The following GRM8 variants were observed in gnomAD, a reference collection of about 807,000 sequenced individuals.
GRM8 encodes the protein metabotropic glutamate receptor 8.
In GRM8, 47 loss-of-function variants were observed where a neutral mutation model predicts 87.2. The observed-to-expected ratio is 0.54, with a 90% confidence interval of 0.43 to 0.69. The LOEUF (loss-of-function observed/expected upper bound fraction) is 0.69, where lower values mean the gene tolerates loss of function less well. Ranked by LOEUF, GRM8 falls within the 30% of genes least tolerant of loss-of-function variation. GRM8 has a pLI of 0.00. For missense variants in GRM8, 1,019 were observed against 1,139.2 expected, an observed-to-expected ratio of 0.89 and a Z score of 1.52; for synonymous variants, 396 against 404.5, an observed-to-expected ratio of 0.98 and a Z score of 0.25.
intron 7 of GRM8, among the ~76,000 whole-genome samples, chr7:126,726,178 C>A (rs1812946785): frequency 6.6e-6 from 1 of 151,876 alleles, no homozygotes; most frequent in African/African-American, 2.4e-5. Context: ...ATAGTAAACT[C>A]CATGCCATCC....
intron 8 of GRM8, among the ~76,000 whole-genome samples, chr7:126,581,816 T>A (rs939687382): frequency 5.9e-5 from 9 of 152,128 alleles, no homozygotes; most frequent in African/African-American, 2.2e-4. Context: ...CGTGATCTGT[T>A]TTGTTACTAT....
intron 7 of GRM8, among the ~76,000 whole-genome samples, chr7:126,646,379 CT>C (rs1274186030): frequency 6.6e-6 from 1 of 152,178 alleles, no homozygotes; most frequent in Non-Finnish European, 1.5e-5. Flanking sequence ...ACCACCGTAT[CT>C]TTCTACTTTT....
At chr7:126,873,953 G>A (rs1799319199) in intron 6 of GRM8, among the ~76,000 whole-genome samples, 1 of 152,068 alleles carries the variant, frequency 6.6e-6, no homozygotes, top group South Asian at 2.1e-4. Flanking sequence ...AGTAAGTAGT[G>A]TTATTCTTAA....
intron 7 of GRM8, among the ~76,000 whole-genome samples, chr7:126,720,317 A>AT (rs565424874): frequency 2.8e-4 from 42 of 150,968 alleles, no homozygotes; most frequent in Non-Finnish European, 5.2e-4. Context: ...AATTTTTTAA[A>AT]TTTTTTTTTG....
At position 126,871,400 on chromosome 7, in the gene GRM8, T is replaced by C. The variant is rs184680731; in HGVS notation, c.1156+31142A>G. Among the ~76,000 whole-genome samples the C allele has an allele frequency of 8.5e-5, 13 of 152,352 alleles. No homozygotes were observed. In the East Asian group the frequency reaches 2.3e-3, roughly 27 times the overall value. On this transcript the variant is annotated intron_variant, in intron 6 of 10. Coordinates refer to ENST00000339582, the MANE Select transcript of GRM8 (RefSeq NM_000845.3). ...ACGTTCCGGAGTGCCTTATACATGTTTAAGGTAGTAATAAAAGAGCACATT... is the reference window on the plus strand; with the variant it reads ...ACGTTCCGGAGTGCCTTATACATGTCTAAGGTAGTAATAAAAGAGCACATT...
At chr7:126,602,970 G>C (rs1157755146) in intron 8 of GRM8, among the ~76,000 whole-genome samples, 1 of 141,666 alleles carries the variant, frequency 7.1e-6, no homozygotes, top group Non-Finnish European at 1.6e-5. Flanking sequence ...GATGAACATT[G>C]ATGCAAAAAT....
Position 127,242,760 on chromosome 7 carries a change from C to G in GRM8, c.445G>C (p.Gly149Arg). 1.2e-6 allele frequency: 2 copies of G among 1,614,172 alleles called. No homozygotes were observed. Among genetic ancestry groups the G allele is most frequent in the Non-Finnish European group, 8.5e-7 (1 of 1,180,016 alleles). ...PIFTKPDKIS[G>R]VIGAAASSVS... is the part of the protein sequence containing the mutation. ...GAGCTTGCTGCAGCACCTATGACGC[C>G]AGAAATCTTGTCGGGCTTGGTGAAA... The change falls in exon 2 of 11, where the codon GGC becomes CGC. Residue 149 changes from glycine (G) to arginine (R), a missense_variant. Coordinates refer to ENST00000339582, the MANE Select transcript of GRM8 (RefSeq NM_000845.3).
At chr7:126,901,146 T>C (rs562131165) in intron 6 of GRM8, among the ~76,000 whole-genome samples, 38 of 152,268 alleles carry the variant, frequency 2.5e-4, no homozygotes, top group African/African-American at 7.0e-4. Flanking sequence ...TGAACTATTT[T>C]TTTTTTCCTT....
At chr7:126,539,282 GA>G (rs1032899994) in intron 8 of GRM8, among the ~76,000 whole-genome samples, 5 of 149,530 alleles carry the variant, frequency 3.3e-5, no homozygotes, top group Non-Finnish European at 3.0e-5. Flanking sequence ...GAAAAAAAGT[GA>G]AAAAAAAAGT....
At chr7:127,067,948 G>C (rs931681032) in intron 3 of GRM8, among the ~76,000 whole-genome samples, 1 of 152,126 alleles carries the variant, frequency 6.6e-6, no homozygotes, top group Non-Finnish European at 1.5e-5. Flanking sequence ...GAACAGCAAA[G>C]GGAGATATGG....
intron 3 of GRM8, among the ~76,000 whole-genome samples, chr7:127,019,797 C>A (rs1387158354): frequency 6.6e-6 from 1 of 151,966 alleles, no homozygotes; most frequent in African/African-American, 2.4e-5. Flanking sequence ...AGCAAGTCAC[C>A]CAATCTGTCT....
intron 6 of GRM8, among the ~76,000 whole-genome samples, chr7:126,837,581 T>C (rs1490345462): frequency 6.6e-6 from 1 of 152,238 alleles, no homozygotes; most frequent in Non-Finnish European, 1.5e-5. Context: ...TCATTCCCTC[T>C]TCCAATGACA....
chr7:126,512,033 G>A (rs960760626), intron 9 of GRM8: 1 of 151,946 alleles, frequency 6.6e-6, no homozygotes, highest in East Asian at 1.9e-4. Flanking sequence ...TAACTCTATG[G>A]AAACAAAAAG....
intron 8 of GRM8, among the ~76,000 whole-genome samples, chr7:126,601,013 G>C (rs929594829): frequency 3.3e-5 from 5 of 151,422 alleles, no homozygotes; most frequent in African/African-American, 4.9e-5. Flanking sequence ...CATGTGCCAT[G>C]CTGGTGCGCT....
At chr7:126,987,585 C>T (rs1262076379) in intron 3 of GRM8, among the ~76,000 whole-genome samples, 5 of 152,030 alleles carry the variant, frequency 3.3e-5, no homozygotes, top group African/African-American at 1.2e-4. Context: ...CTCAGCCTCC[C>T]GAGTACCTGG....
intron 8 of GRM8, among the ~76,000 whole-genome samples, chr7:126,608,742 GGCAAAAGTGATGT>G (rs1358989344): frequency 1.9e-4 from 29 of 151,430 alleles, no homozygotes; most frequent in African/African-American, 6.8e-4. Context: ...CTTGTGATGT[GGCAAAAGTGATGT>G]GCCCTTTTTT....
chr7:126,714,700 A>G (rs1811521058), intron 7 of GRM8, among the ~76,000 whole-genome samples: 1 of 152,200 alleles, frequency 6.6e-6, no homozygotes, highest in Admixed American at 6.5e-5. Flanking sequence ...ACACTCAAAC[A>G]ATGCAGAAAT....
chr7:126,697,566 G>T (rs1329289858), intron 7 of GRM8, among the ~76,000 whole-genome samples: 1 of 151,950 alleles, frequency 6.6e-6, no homozygotes, highest in Non-Finnish European at 1.5e-5. Flanking sequence ...CACTTTTATT[G>T]CCTGGACAAC....
chr7:126,829,648 C>G (rs1586110974), intron 6 of GRM8, among the ~76,000 whole-genome samples: 1 of 152,002 alleles, frequency 6.6e-6, no homozygotes, highest in Admixed American at 6.6e-5. Context: ...GGTCTTGACT[C>G]TTTATCCAAT....
Sources: gnomAD v4.1 joint callset for allele counts (sites outside exome capture counted in the v4.1 genomes callset) on GRCh38, gnomAD v4.1.1 for gene constraint, MANE v1.5 for transcripts, NCBI Gene and HGNC (gene_info 2026-07-23, HGNC 2026-07-21) for gene names.